MEIKIN: variants seen among roughly 807,000 people sequenced by gnomAD.
MEIKIN encodes the protein meiosis-specific kinetochore protein.
chr5:131,922,230 T>C (rs975204817), intron 5 of MEIKIN, among the ~76,000 whole-genome samples: 8 of 152,358 alleles, frequency 5.3e-5, no homozygotes, highest in East Asian at 1.9e-4. Context: ...ATTTTATATA[T>C]GTTATACCTA....
At chr5:131,918,900 G>C (rs1042166987) in intron 6 of MEIKIN, among the ~76,000 whole-genome samples, 5 of 152,146 alleles carry the variant, frequency 3.3e-5, no homozygotes, top group African/African-American at 1.2e-4. Flanking sequence ...GTTGTATGTT[G>C]ACATAAGACC....
At chr5:131,895,099 G>C (rs756305935) in intron 8 of MEIKIN, among the ~76,000 whole-genome samples, 2 of 152,090 alleles carry the variant, frequency 1.3e-5, no homozygotes, top group Non-Finnish European at 2.9e-5. Flanking sequence ...TAGCATGAAG[G>C]GCTGTTGAAT....
chr5:131,831,357 C>T (rs935795452), intron 11 of MEIKIN, among the ~76,000 whole-genome samples: 1 of 152,116 alleles, frequency 6.6e-6, no homozygotes, highest in Admixed American at 6.5e-5. Flanking sequence ...TGAGACCAGT[C>T]TGGGCAACAA....
intron 8 of MEIKIN, among the ~76,000 whole-genome samples, chr5:131,884,317 C>A (rs4425498): frequency 0.03 from 4,599 of 152,068 alleles, 254 homozygotes; most frequent in African/African-American, 0.1. Flanking sequence ...AGAGAAAAGA[C>A]TAAAGAGGAC....
At chr5:131,913,907 T>A (rs1202041806) in intron 7 of MEIKIN, among the ~76,000 whole-genome samples, 1 of 152,150 alleles carries the variant, frequency 6.6e-6, no homozygotes, top group East Asian at 1.9e-4. Flanking sequence ...CCTCCAAAAT[T>A]CGTGTTGAAA....
At chr5:131,807,402 A>G in intron 12 of MEIKIN, 144 bp from the exon 13 acceptor site, 3 of 393,848 alleles carry the variant, frequency 7.6e-6, no homozygotes, top group Non-Finnish European at 1.3e-5. Flanking sequence ...ACAAATCCAG[A>G]GGCCATTTAA....
intron 8 of MEIKIN, among the ~76,000 whole-genome samples, chr5:131,906,494 AC>A (rs996020309): frequency 1.3e-5 from 2 of 152,160 alleles, no homozygotes; most frequent in African/African-American, 4.8e-5. Flanking sequence ...CTACCATTTG[AC>A]CCAGCAATCC....
At chr5:131,829,141 A>G (rs1192893548) in intron 11 of MEIKIN, among the ~76,000 whole-genome samples, 3 of 152,346 alleles carry the variant, frequency 2.0e-5, no homozygotes, top group Admixed American at 6.5e-5. Context: ...AGAAATCAAC[A>G]TGGCTTCTCA....
At chr5:131,876,412 T>C (rs6861580) in intron 9 of MEIKIN, among the ~76,000 whole-genome samples, 115,606 of 148,390 alleles carry the variant, frequency 0.78, 45,342 homozygotes, top group Middle Eastern at 0.83. Context: ...TCATCACTGG[T>C]CATCAGAGAA....
chr5:131,937,375 C>A (rs1378485545), intron 4 of MEIKIN, among the ~76,000 whole-genome samples: 1 of 152,120 alleles, frequency 6.6e-6, no homozygotes, highest in African/African-American at 2.4e-5. Flanking sequence ...CACCTCACCT[C>A]TGGGTGACAA....
intron 6 of MEIKIN, among the ~76,000 whole-genome samples, chr5:131,917,929 T>G (rs1723366907): frequency 6.6e-6 from 1 of 152,104 alleles, no homozygotes; most frequent in Non-Finnish European, 1.5e-5. Flanking sequence ...CTGGTAACAG[T>G]CACCTCATTT....
intron 8 of MEIKIN, among the ~76,000 whole-genome samples, chr5:131,884,181 G>A (rs971715725): frequency 5.3e-5 from 8 of 152,104 alleles, no homozygotes; most frequent in Non-Finnish European, 7.4e-5. Flanking sequence ...GTCGGGGAGC[G>A]GGGATGTGAC....
At chr5:131,819,390 CAGAGGCAGAGGTGGAGGA>C (rs1228707286) in intron 11 of MEIKIN, among the ~76,000 whole-genome samples, 1 of 134,458 alleles carries the variant, frequency 7.4e-6, no homozygotes, top group African/African-American at 2.8e-5. Context: ...TTCCTTGAGG[CAGAGGCAGAGGTGGAGGA>C]AGAGGCAGAG....
intron 9 of MEIKIN, among the ~76,000 whole-genome samples, chr5:131,871,685 T>G (rs1750503553): frequency 6.6e-6 from 1 of 152,174 alleles, no homozygotes; most frequent in Non-Finnish European, 1.5e-5. Context: ...GATCTGAGAA[T>G]GGGTAGACTG....
rs143433531 is a variant in MEIKIN, at chr5:131,853,716, A to G, written c.855+1038T>C. Among the ~76,000 whole-genome samples the G allele has an allele frequency of 5.2e-3, 799 of 152,350 alleles. 4 individuals carry two copies. Among genetic ancestry groups the G allele is most frequent in the African/African-American group, 0.018 (768 of 41,580 alleles). ...GAATAGATATTTTCCCAAAAAAGATATACAAATAGCTAATTAACACATTAA... is the reference window on the plus strand; with the variant it reads ...GAATAGATATTTTCCCAAAAAAGATGTACAAATAGCTAATTAACACATTAA... On this transcript the variant is annotated intron_variant, in intron 10 of 12. Coordinates refer to ENST00000442687, the MANE Select transcript of MEIKIN (RefSeq NM_001303622.2).
At chr5:131,817,667 T>C (rs948141477) in intron 12 of MEIKIN, among the ~76,000 whole-genome samples, 1 of 152,050 alleles carries the variant, frequency 6.6e-6, no homozygotes, top group Non-Finnish European at 1.5e-5. Flanking sequence ...GGTTCTGTTT[T>C]TCTGGAGAAC....
At chr5:131,945,276 C>A (rs968537032) in intron 1 of MEIKIN, 27 bp from the exon 2 acceptor site, 2 of 398,990 alleles carry the variant, frequency 5.0e-6, no homozygotes, top group African/African-American at 2.1e-5. Flanking sequence ...CGTTTCAGGG[C>A]AAGAAACCTA....
At chr5:131,929,089 T>C (rs894810197) in intron 5 of MEIKIN, among the ~76,000 whole-genome samples, 9 of 152,240 alleles carry the variant, frequency 5.9e-5, no homozygotes, top group African/African-American at 1.7e-4. Context: ...TGTTGGTTGA[T>C]AATTTTTCTT....
chr5:131,810,128 G>A (rs574287386), intron 12 of MEIKIN, among the ~76,000 whole-genome samples: 3 of 152,012 alleles, frequency 2.0e-5, no homozygotes, highest in South Asian at 2.1e-4. Flanking sequence ...ACCATCTTTC[G>A]GATACTCGAA....
Sources: gnomAD v4.1 joint callset for allele counts (sites outside exome capture counted in the v4.1 genomes callset) on GRCh38, gnomAD v4.1.1 for gene constraint, MANE v1.5 for transcripts, NCBI Gene and HGNC (gene_info 2026-07-23, HGNC 2026-07-21) for gene names.